Variants in CSMD1 observed in about 807,000 individuals in gnomAD.
CSMD1 encodes the protein CUB and Sushi multiple domains 1.
CSMD1 carries 213 observed loss-of-function variants against 417.5 expected under a neutral mutation model. The ratio of observed to expected loss-of-function variants is 0.51; its 90% CI spans 0.46 to 0.57. CSMD1 has a LOEUF of 0.57. Ranked by LOEUF, CSMD1 falls within the 20% of genes least tolerant of loss-of-function variation. CSMD1 has a pLI of 0.00. For synonymous variants in CSMD1, 2,862 were observed against 1,736.8 expected (o/e 1.65, Z -16.11); for missense variants, 6,923 against 4,529.7 (o/e 1.53, Z -15.17).
chr8:4,835,036 C>G (rs1303623265), intron 1 of CSMD1, among the ~76,000 whole-genome samples: 1 of 124,328 alleles, frequency 8.0e-6, no homozygotes, highest in Non-Finnish European at 1.7e-5. Flanking sequence ...ATTGGGGGAA[C>G]AAATGATGAC....
intron 29 of CSMD1, among the ~76,000 whole-genome samples, chr8:3,218,218 C>G (rs1244017023): frequency 6.6e-6 from 1 of 152,254 alleles, no homozygotes; most frequent in Admixed American, 6.5e-5. Flanking sequence ...CCATAGCTGA[C>G]TGAGGCAGGG....
At chr8:4,750,581 A>G (rs765919081) in intron 1 of CSMD1, among the ~76,000 whole-genome samples, 2 of 152,122 alleles carry the variant, frequency 1.3e-5, no homozygotes, top group African/African-American at 2.4e-5. Context: ...CTTTATAAGT[A>G]ATTCTGAGTG....
intron 5 of CSMD1, among the ~76,000 whole-genome samples, chr8:3,900,465 G>C (rs1367026193): frequency 1.3e-5 from 2 of 151,686 alleles, no homozygotes; most frequent in South Asian, 4.2e-4. Context: ...CAGTGCAGCT[G>C]GGTGACACTG....
At chr8:4,795,862 G>A (rs901129341) in intron 1 of CSMD1, among the ~76,000 whole-genome samples, 2 of 152,040 alleles carry the variant, frequency 1.3e-5, no homozygotes, top group East Asian at 1.9e-4. Flanking sequence ...AGCTATAAAT[G>A]GAACCATGAG....
At chr8:4,821,456 G>T (rs1009524669) in intron 1 of CSMD1, among the ~76,000 whole-genome samples, 1 of 152,102 alleles carries the variant, frequency 6.6e-6, no homozygotes, top group Non-Finnish European at 1.5e-5. Flanking sequence ...ATACTACGCA[G>T]TAAGACAGTA....
At chr8:3,821,301 G>C (rs1297781159) in intron 5 of CSMD1, among the ~76,000 whole-genome samples, 2 of 152,162 alleles carry the variant, frequency 1.3e-5, no homozygotes, top group Non-Finnish European at 2.9e-5. Context: ...CAGCAACACA[G>C]TCATTATTAT....
chr8:4,185,364 A>G (rs904670289), intron 3 of CSMD1, among the ~76,000 whole-genome samples: 1 of 152,070 alleles, frequency 6.6e-6, no homozygotes, highest in Non-Finnish European at 1.5e-5. Flanking sequence ...TATGAAGATT[A>G]AATTGGACAG....
intron 5 of CSMD1, among the ~76,000 whole-genome samples, chr8:3,826,797 A>G (rs954030656): frequency 2.6e-5 from 4 of 151,996 alleles, no homozygotes; most frequent in South Asian, 2.1e-4. Context: ...TAATTTTAAT[A>G]TTTTTTTGAG....
At position 4,719,014 on chromosome 8, in the gene CSMD1, A is replaced by G. The variant is rs1346419128; in HGVS notation, c.86-81456T>C. Among the ~76,000 whole-genome samples the G allele has an allele frequency of 3.3e-5, 5 of 152,194 alleles. No homozygotes were observed. In the South Asian group the frequency reaches 1.0e-3, roughly 32 times the overall value. ...GATATGTAGGTATGAGAAAAAAGGAAAACAACTGAAGTTTATATTATGTTT... is the reference window on the plus strand; with the variant it reads ...GATATGTAGGTATGAGAAAAAAGGAGAACAACTGAAGTTTATATTATGTTT... On this transcript the variant is annotated intron_variant, in intron 1 of 69. Transcript: ENST00000635120.
chr8:2,997,375 A>G (rs536778253), intron 54 of CSMD1, among the ~76,000 whole-genome samples: 2 of 152,238 alleles, frequency 1.3e-5, no homozygotes, highest in South Asian at 4.1e-4. Context: ...CTAGGATAAG[A>G]GAGGTTCTTG....
At chr8:4,220,927 G>C (rs560376372) in intron 3 of CSMD1, among the ~76,000 whole-genome samples, 1 of 152,212 alleles carries the variant, frequency 6.6e-6, no homozygotes, top group African/African-American at 2.4e-5. Flanking sequence ...TAGAACATGT[G>C]TGTGCACAGT....
chr8:4,816,854 C>A (rs1799236014), intron 1 of CSMD1, among the ~76,000 whole-genome samples: 1 of 152,046 alleles, frequency 6.6e-6, no homozygotes, highest in Non-Finnish European at 1.5e-5. Flanking sequence ...ATACAGGAAG[C>A]AAGTCATATG....
At chr8:3,493,589 C>T (rs1173573957) in intron 11 of CSMD1, 34 bp downstream of exon 11, 3 of 1,551,392 alleles carry the variant, frequency 1.9e-6, no homozygotes, top group South Asian at 1.2e-5. Flanking sequence ...GCACTGCATG[C>T]ATAAGAGAAG....
chr8:4,739,810 C>A (rs990542427), intron 1 of CSMD1, among the ~76,000 whole-genome samples: 1 of 152,160 alleles, frequency 6.6e-6, no homozygotes, highest in Non-Finnish European at 1.5e-5. Flanking sequence ...CTGCAACAGC[C>A]TCCTTTGTGA....
At chr8:3,876,630 G>C (rs998133818) in intron 5 of CSMD1, among the ~76,000 whole-genome samples, 1 of 152,106 alleles carries the variant, frequency 6.6e-6, no homozygotes, top group African/African-American at 2.4e-5. Flanking sequence ...TTGTTTTTGA[G>C]ACAGAGTCTT....
chr8:4,711,800 G>C (rs1249239568), intron 1 of CSMD1, among the ~76,000 whole-genome samples: 1 of 151,984 alleles, frequency 6.6e-6, no homozygotes, highest in Non-Finnish European at 1.5e-5. Context: ...TTCCTCACAG[G>C]AGCCTTAAAA....
At chr8:3,365,796 T>C (rs536696075) in intron 20 of CSMD1, among the ~76,000 whole-genome samples, 3 of 152,304 alleles carry the variant, frequency 2.0e-5, no homozygotes, top group African/African-American at 7.2e-5. Flanking sequence ...CCTTGTATTA[T>C]TGAACTACAG....
intron 1 of CSMD1, among the ~76,000 whole-genome samples, chr8:4,704,444 T>C (rs1206883725): frequency 6.6e-6 from 1 of 152,236 alleles, no homozygotes; most frequent in Non-Finnish European, 1.5e-5. Context: ...AGGATTTCAA[T>C]AAATATTTGC....
intron 5 of CSMD1, among the ~76,000 whole-genome samples, chr8:3,781,054 G>T (rs960199640): frequency 2.6e-5 from 4 of 152,142 alleles, no homozygotes; most frequent in Non-Finnish European, 4.4e-5. Context: ...GCAAAGTAAA[G>T]CAGCAAATAG....
Sources: allele counts gnomAD v4.1 joint callset (sites outside exome capture counted in the v4.1 genomes callset), GRCh38; gene constraint gnomAD v4.1.1; transcripts MANE v1.5; gene names NCBI Gene and HGNC (gene_info 2026-07-23, HGNC 2026-07-21).